Variants in ELAPOR2 observed in about 807,000 individuals in gnomAD.
ELAPOR2 encodes the protein endosome/lysosome-associated apoptosis and autophagy regulator family member 2.
A neutral mutation model predicts 120.7 loss-of-function variants in ELAPOR2; 89 were observed. The observed-to-expected ratio is 0.74, with a 90% CI of 0.62 to 0.88. The LOEUF (loss-of-function observed/expected upper bound fraction) is 0.88, where lower values mean the gene tolerates loss of function less well. ELAPOR2 is among the 40% of genes least tolerant of loss of function. ELAPOR2 has a pLI of 0.00. For synonymous variants in ELAPOR2, 444 were observed against 444.9 expected (o/e 1.00, Z 0.03); for missense variants, 1,134 against 1,251.6 (o/e 0.91, Z 1.42).
At position 86,996,104 on chromosome 7, in the gene ELAPOR2, G is replaced by C. The variant is rs564885536; in HGVS notation, c.190-31080C>G. The stretch of plus-strand genomic sequence containing the variant: ...AAGAGAGAAAAGATCTTCCCCTTTG[G>C]GAAACTTACATCCTAGTTAAAGAGA... On this transcript the variant is annotated intron_variant, in intron 1 of 21. Transcript: ENST00000450689. Among the ~76,000 whole-genome samples, 3 of 151,942 alleles carry C rather than the reference G, an allele frequency of 2.0e-5. No homozygotes were observed. In the South Asian group the frequency reaches 6.2e-4, roughly 32 times the overall value.
chr7:87,029,890 G>A (rs1794372102), intron 1 of ELAPOR2, among the ~76,000 whole-genome samples: 1 of 152,060 alleles, frequency 6.6e-6, no homozygotes, highest in Admixed American at 6.6e-5. Flanking sequence ...CAACATTACA[G>A]TATAAGAAAG....
chr7:86,998,337 G>A (rs1793192498), intron 1 of ELAPOR2, among the ~76,000 whole-genome samples: 1 of 152,118 alleles, frequency 6.6e-6, no homozygotes. Flanking sequence ...GATCTCCACT[G>A]CAAGTCTTAA....
At chr7:87,015,061 A>G (rs1273978847) in intron 1 of ELAPOR2, among the ~76,000 whole-genome samples, 2 of 152,194 alleles carry the variant, frequency 1.3e-5, no homozygotes, top group Admixed American at 1.3e-4. Context: ...ACTATAAATT[A>G]TCACCATATA....
At chr7:86,907,382 G>C (rs1042506878) in intron 18 of ELAPOR2, among the ~76,000 whole-genome samples, 1 of 151,818 alleles carries the variant, frequency 6.6e-6, no homozygotes, top group African/African-American at 2.4e-5. Context: ...AATAAATACA[G>C]GGATACAAGC....
intron 21 of ELAPOR2, among the ~76,000 whole-genome samples, chr7:86,890,631 A>G (rs905411874): frequency 1.3e-5 from 2 of 151,984 alleles, no homozygotes; most frequent in Non-Finnish European, 2.9e-5. Flanking sequence ...CATGACTCTC[A>G]TGTCTTCTAA....
chr7:87,037,741 C>T lies in ELAPOR2; in HGVS notation c.189+21584G>A, dbSNP rs969244513. On this transcript the variant is annotated intron_variant, in intron 1 of 21. Coordinates refer to ENST00000450689, the MANE Select transcript of ELAPOR2 (RefSeq NM_001142749.3). ...CTGACACTTCTGCCACCACCACCCA[C>T]GTGCCCTTCAAGTTGGCCCTTGAAA... Among the ~76,000 whole-genome samples the T allele has an allele frequency of 6.6e-5, 10 of 152,226 alleles. 1 individual carries two copies. Among genetic ancestry groups the T allele is most frequent in the Non-Finnish European group, 1.0e-4 (7 of 68,036 alleles).
At chr7:87,006,309 A>T (rs1192970503) in intron 1 of ELAPOR2, among the ~76,000 whole-genome samples, 1 of 151,834 alleles carries the variant, frequency 6.6e-6, no homozygotes, top group Non-Finnish European at 1.5e-5. Flanking sequence ...GGGAAATGCA[A>T]ATTAAAATCG....
At chr7:86,966,939 C>T (rs537114709) in intron 1 of ELAPOR2, among the ~76,000 whole-genome samples, 1 of 152,212 alleles carries the variant, frequency 6.6e-6, no homozygotes, top group African/African-American at 2.4e-5. Flanking sequence ...TCCCAGTAAC[C>T]TCACTTTCTC....
intron 1 of ELAPOR2, among the ~76,000 whole-genome samples, chr7:87,040,216 G>C (rs1053168714): frequency 1.2e-4 from 19 of 152,380 alleles, no homozygotes; most frequent in Non-Finnish European, 2.1e-4. Context: ...CATTGCCCAG[G>C]CTTGCTTAGG....
In ELAPOR2 at chr7:86,946,074, A is replaced by C. The variant is rs180984311; in HGVS notation, c.507-1028T>G. Reference sequence around the variant, plus strand: ...CAATTTGACTTCACAAAAGTTAATAAACACATGAACAATAAACACATGAAA... The same window carrying C: ...CAATTTGACTTCACAAAAGTTAATACACACATGAACAATAAACACATGAAA... On this transcript the variant is annotated intron_variant, in intron 3 of 21. Coordinates refer to ENST00000450689, the MANE Select transcript of ELAPOR2 (RefSeq NM_001142749.3). Among the ~76,000 whole-genome samples, 99 of 152,212 alleles carry C rather than the reference A, an allele frequency of 6.5e-4. 2 individuals are homozygous for C. The highest frequency in any genetic ancestry group is 6.5e-3 in the Admixed American group (99 of 15,290).
intron 1 of ELAPOR2, among the ~76,000 whole-genome samples, chr7:86,993,917 C>T (rs933393421): frequency 6.6e-6 from 1 of 152,204 alleles, no homozygotes; most frequent in Non-Finnish European, 1.5e-5. Flanking sequence ...TTACTCTCTT[C>T]CTATGAACCT....
chr7:86,884,386 A>G (rs951058595), intron 21 of ELAPOR2, among the ~76,000 whole-genome samples: 3 of 152,164 alleles, frequency 2.0e-5, no homozygotes, highest in African/African-American at 7.2e-5. Context: ...GGTAAGAACT[A>G]CAGTTGACCT....
At chr7:86,890,882 A>G (rs1018176901) in intron 21 of ELAPOR2, among the ~76,000 whole-genome samples, 1 of 152,042 alleles carries the variant, frequency 6.6e-6, no homozygotes, top group African/African-American at 2.4e-5. Flanking sequence ...AATGGTTACT[A>G]TTACTCTTTA....
intron 1 of ELAPOR2, among the ~76,000 whole-genome samples, chr7:86,968,099 A>G (rs1021411368): frequency 2.6e-5 from 4 of 152,202 alleles, no homozygotes; most frequent in Non-Finnish European, 5.9e-5. Flanking sequence ...AGTGTGGTAC[A>G]GTAAAATTGC....
chr7:86,899,157 G>T (rs1018608468), intron 18 of ELAPOR2, among the ~76,000 whole-genome samples: 1 of 152,094 alleles, frequency 6.6e-6, no homozygotes, highest in African/African-American at 2.4e-5. Flanking sequence ...TCTTTCTAGC[G>T]GGTGTGCCCA....
Position 86,948,404 on chromosome 7 carries a change from C to T in ELAPOR2, c.311-482G>A, listed in dbSNP as rs369018560. Among the ~76,000 whole-genome samples, 5 of 152,260 alleles carry T rather than the reference C, an allele frequency of 3.3e-5. No individual in the cohort carries two copies. The East Asian group carries it at 7.7e-4, about 23-fold the overall frequency. ...ATCAGTGGATAAGCACATATTAAGA[C>T]CACTTATAAGTTGATGTGAGATTTT... On this transcript the variant is annotated intron_variant, in intron 2 of 21. Transcript: ENST00000450689.
At chr7:86,999,945 G>T (rs1242145925) in intron 1 of ELAPOR2, among the ~76,000 whole-genome samples, 1 of 152,064 alleles carries the variant, frequency 6.6e-6, no homozygotes, top group East Asian at 1.9e-4. Context: ...ACCTAGAAAA[G>T]ATGATGCAAG....
intron 1 of ELAPOR2, among the ~76,000 whole-genome samples, chr7:86,979,226 C>T (rs1792379746): frequency 6.6e-6 from 1 of 152,004 alleles, no homozygotes; most frequent in African/African-American, 2.4e-5. Context: ...ATTAAGAGGA[C>T]AAAAGTTGCC....
At chr7:86,896,570 C>G (rs1250398332) in intron 19 of ELAPOR2, among the ~76,000 whole-genome samples, 2 of 152,086 alleles carry the variant, frequency 1.3e-5, no homozygotes, top group Non-Finnish European at 2.9e-5. Context: ...CTGGTGCCCA[C>G]TCTCCCTTCA....
Sources: allele counts gnomAD v4.1 joint callset (sites outside exome capture counted in the v4.1 genomes callset), GRCh38; gene constraint gnomAD v4.1.1; transcripts MANE v1.5; gene names NCBI Gene and HGNC (gene_info 2026-07-23, HGNC 2026-07-21).